The following FYB1 variants were observed in gnomAD, a reference collection of about 807,000 sequenced individuals.
The protein encoded by FYB1 is FYN-binding protein 1.
In FYB1, 41 loss-of-function variants were observed where a neutral mutation model predicts 94.1. That is an observed-to-expected ratio of 0.44 (90% CI 0.34 to 0.57). The LOEUF is 0.57. Ranked by LOEUF, FYB1 falls within the 20% of genes least tolerant of loss-of-function variation. FYB1 has a pLI of 0.02. For synonymous variants in FYB1, 367 were observed against 353.2 expected, an observed-to-expected ratio of 1.04 and a Z score of -0.44; for missense variants, 1,050 against 976.8, an observed-to-expected ratio of 1.07 and a Z score of -1.00.
Position 39,137,629 on chromosome 5 carries a change from T to C in FYB1, c.1486A>G (p.Lys496Glu). 1 of 1,538,246 alleles carries C rather than the reference T, an allele frequency of 6.5e-7. No individual in the cohort carries two copies. The highest frequency in any genetic ancestry group is 8.8e-7 in the Non-Finnish European group (1 of 1,136,188). ...EKKEQKEKEK[K>E]EQEIKKKFKL... ...AATTTCTTCTTTATTTCTTGTTCTT[T>C]CTTTTCTTTCTCTTTCTGTTCCTTT... Residue 496 changes from lysine (K) to glutamate (E), a missense_variant, in exon 7 of 19, where the codon AAA becomes GAA. Physicochemically the swap from Lys to Glu is moderately conservative, Grantham distance 56. Coordinates refer to ENST00000512982, the MANE Select transcript of FYB1 (RefSeq NM_001465.6).
chr5:39,173,906 G>A (rs557058504), intron 2 of FYB1, among the ~76,000 whole-genome samples: 8 of 152,258 alleles, frequency 5.3e-5, no homozygotes, highest in African/African-American at 1.9e-4. Flanking sequence ...TTCCTGCTTA[G>A]TATTGCTTTG....
At chr5:39,131,349 A>G (rs1252354195) in intron 9 of FYB1, among the ~76,000 whole-genome samples, 1 of 152,172 alleles carries the variant, frequency 6.6e-6, no homozygotes, top group African/African-American at 2.4e-5. Flanking sequence ...CAGAAAAGAA[A>G]CCAGGCTCTG....
intron 1 of FYB1, among the ~76,000 whole-genome samples, chr5:39,228,805 T>C (rs1750595053): frequency 6.6e-6 from 1 of 152,216 alleles, no homozygotes. Context: ...AAGCAAGATC[T>C]CTGACTTATG....
chr5:39,202,902 G>A lies in FYB1; in HGVS notation c.59C>T (p.Pro20Leu). The A allele has an allele frequency of 6.2e-7, 1 of 1,613,944 alleles. No individual in the cohort carries two copies. The highest frequency in any genetic ancestry group is 8.5e-7 in the Non-Finnish European group (1 of 1,179,888). ...TGAGTTTGGCCCTGTGACTCTGAAG[G>A]GTCGGCTATTGACTGAGACATCCTC... ...PTEDVSVNSR[P>L]FRVTGPNSSS... Residue 20 changes from proline to leucine, a missense_variant, in exon 2 of 19, where the codon CCC (proline) becomes CTC (leucine). Coordinates refer to ENST00000512982, the MANE Select transcript of FYB1 (RefSeq NM_001465.6).
intron 3 of FYB1, among the ~76,000 whole-genome samples, chr5:39,145,060 A>G (rs1182270622): frequency 6.6e-6 from 1 of 152,192 alleles, no homozygotes; most frequent in Non-Finnish European, 1.5e-5. Context: ...GGGTGAGGGT[A>G]TAGATAAGAC....
chr5:39,165,117 T>C (rs909181161), intron 2 of FYB1, among the ~76,000 whole-genome samples: 2 of 152,234 alleles, frequency 1.3e-5, no homozygotes, highest in Non-Finnish European at 2.9e-5. Flanking sequence ...TGACTATTGT[T>C]GCCATTGCTT....
intron 2 of FYB1, among the ~76,000 whole-genome samples, chr5:39,177,533 A>C (rs1399730993): frequency 6.6e-6 from 1 of 152,244 alleles, no homozygotes; most frequent in Non-Finnish European, 1.5e-5. Flanking sequence ...TGCTCAATGT[A>C]ATAACTGCAG....
At chr5:39,198,317 C>T (rs923557033) in intron 2 of FYB1, among the ~76,000 whole-genome samples, 3 of 152,198 alleles carry the variant, frequency 2.0e-5, no homozygotes, top group Non-Finnish European at 2.9e-5. Flanking sequence ...AAACAACTCT[C>T]ATGCTAGGCT....
At chr5:39,239,592 A>C (rs1038104881) in intron 1 of FYB1, among the ~76,000 whole-genome samples, 1 of 152,118 alleles carries the variant, frequency 6.6e-6, no homozygotes, top group Non-Finnish European at 1.5e-5. Context: ...ACCTAGGAAT[A>C]CAGCTAACCA....
chr5:39,255,896 G>C (rs1751917558), intron 1 of FYB1, among the ~76,000 whole-genome samples: 1 of 152,162 alleles, frequency 6.6e-6, no homozygotes, highest in Admixed American at 6.6e-5. Context: ...AGAATTTACT[G>C]TCAAGGTAAG....
intron 1 of FYB1, among the ~76,000 whole-genome samples, chr5:39,240,280 A>G (rs147343279): frequency 1.3e-5 from 2 of 152,338 alleles, no homozygotes; most frequent in East Asian, 3.9e-4. Flanking sequence ...TTTCATGACA[A>G]AGATGCCAAA....
upstream of FYB1, among the ~76,000 whole-genome samples, chr5:39,221,176 G>A (rs1199476418): frequency 6.6e-6 from 1 of 152,126 alleles, no homozygotes. Context: ...GCTTCTTGGT[G>A]TGTCCTAAAA....
At chr5:39,180,430 G>A (rs188898401) in intron 2 of FYB1, among the ~76,000 whole-genome samples, 9 of 152,204 alleles carry the variant, frequency 5.9e-5, no homozygotes, top group African/African-American at 1.9e-4. Flanking sequence ...GTGTTAGGAG[G>A]AGATCCTTTG....
At chr5:39,163,705 T>G (rs1180467514) in intron 2 of FYB1, among the ~76,000 whole-genome samples, 1 of 152,240 alleles carries the variant, frequency 6.6e-6, no homozygotes, top group Admixed American at 6.5e-5. Context: ...TGCTGACTTT[T>G]GGATCTTTTT....
chr5:39,243,193 T>C (rs1248524289), intron 1 of FYB1, among the ~76,000 whole-genome samples: 11 of 152,018 alleles, frequency 7.2e-5, no homozygotes, highest in Non-Finnish European at 1.3e-4. Flanking sequence ...GCTTTTGGTG[T>C]TTTAGACATG....
chr5:39,267,546 G>C (rs1057400490), intron 1 of FYB1, among the ~76,000 whole-genome samples: 14 of 152,182 alleles, frequency 9.2e-5, no homozygotes, highest in African/African-American at 3.1e-4. Flanking sequence ...AGAAAAAATG[G>C]AGTTTTTTCC....
chr5:39,224,225 G>T (rs999453454), upstream of FYB1, among the ~76,000 whole-genome samples: 2 of 152,184 alleles, frequency 1.3e-5, no homozygotes, highest in African/African-American at 4.8e-5. Context: ...CCAGATAAAA[G>T]CCTCCAGTGA....
At position 39,202,059 on chromosome 5, in the gene FYB1, T is replaced by C. The variant is rs770878562; in HGVS notation, c.902A>G (p.Gln301Arg). ...AKNTFQSKIN[Q>R]EELASGTPPA... ...AGGAGTCCCTGAGGCCAACTCTTCC[T>C]GATTTATTTTGCTCTGGAAGGTGTT... Residue 301 changes from glutamine (Q) to arginine (R), a missense_variant, in exon 2 of 19, where the codon CAG (glutamine) becomes CGG (arginine). Gln to Arg is a conservative substitution (Grantham distance 43, BLOSUM62 1). Coordinates refer to ENST00000512982, the MANE Select transcript of FYB1 (RefSeq NM_001465.6). The C allele has an allele frequency of 5.0e-6, 8 of 1,614,058 alleles. No individual in the cohort carries two copies. Among genetic ancestry groups the C allele is most frequent in the Non-Finnish European group, 5.1e-6 (6 of 1,179,886 alleles).
intron 2 of FYB1, among the ~76,000 whole-genome samples, chr5:39,180,073 A>C (rs1327125272): frequency 6.6e-6 from 1 of 152,206 alleles, no homozygotes; most frequent in Non-Finnish European, 1.5e-5. Context: ...GGTAAACTTC[A>C]GGAGAACAGA....
Sources: gnomAD v4.1 joint callset for allele counts (sites outside exome capture counted in the v4.1 genomes callset) on GRCh38, gnomAD v4.1.1 for gene constraint, MANE v1.5 for transcripts, NCBI Gene and HGNC (gene_info 2026-07-23, HGNC 2026-07-21) for gene names.